Variants in RGPD4 observed in about 807,000 individuals in gnomAD.
The protein encoded by RGPD4 is RANBP2 like and GRIP domain containing 4.
Under a neutral mutation model 141.1 loss-of-function variants are expected in RGPD4, and 84 were observed. The ratio of observed to expected loss-of-function variants is 0.60; its 90% CI spans 0.50 to 0.71. The LOEUF is 0.71. RGPD4 is among the 30% of genes least tolerant of loss of function. The pLI is 0.00. For missense variants in RGPD4, 918 were observed against 1,622.4 expected (o/e 0.57, Z 7.46); for synonymous variants, 298 against 566.8 (o/e 0.53, Z 6.74).
At chr2:107,885,559 C>T (rs545531744) in intron 22 of RGPD4, among the ~76,000 whole-genome samples, 10 of 152,090 alleles carry the variant, frequency 6.6e-5, no homozygotes, top group African/African-American at 2.2e-4. Flanking sequence ...AGGAGATACA[C>T]ATTGGAAACC....
intron 21 of RGPD4, among the ~76,000 whole-genome samples, chr2:107,881,305 C>T (rs1054453418): frequency 6.7e-6 from 1 of 148,674 alleles, no homozygotes; most frequent in African/African-American, 2.5e-5. Flanking sequence ...ACCTAAATGA[C>T]TTATTTAAAT....
Position 107,870,789 on chromosome 2 carries a change from G to A in RGPD4, c.2785G>A (p.Glu929Lys), listed in dbSNP as rs759788200. 10 of 1,607,476 alleles carry A rather than the reference G, an allele frequency of 6.2e-6. No homozygotes were observed. Among genetic ancestry groups the A allele is most frequent in the Non-Finnish European group, 8.5e-6 (10 of 1,177,192 alleles). ...SADGFKFGISEPGNQEKESEK... is the reference protein window; with the variant it reads ...SADGFKFGISKPGNQEKESEK... ...TGATGGATTTAAATTTGGCATTTCG[G>A]AACCAGGAAATCAAGAAAAGGAAAG... The change falls in exon 20 of 23, where the codon GAA (glutamate) becomes AAA (lysine). Residue 929 changes from glutamate (E) to lysine (K), a missense_variant. Coordinates refer to ENST00000408999, the MANE Select transcript of RGPD4 (RefSeq NM_182588.3).
rs1418649885 is a variant in RGPD4, at chr2:107,827,802, G to C, written c.72+717G>C. 1.4e-4 allele frequency among the ~76,000 whole-genome samples: 4 copies of C among 29,558 alleles called. 1 individual carries two copies. Among genetic ancestry groups the C allele is most frequent in the African/African-American group, 6.0e-4 (2 of 3,360 alleles). 19.4% of individuals were successfully genotyped at this position (29,558 alleles called of 152,430 possible). A position where few individuals can be genotyped will look rare whatever the true frequency, so the allele number is the denominator to read the frequency against. On this transcript the variant is annotated intron_variant, in intron 1 of 22. Transcript: ENST00000408999. ...TCTGTTGAGGCGGCGGCCTCGACCC[G>C]GCCCGGCGGCGGCCTCGATGGCTCA...
chr2:107,836,910 C>T (rs1204661121), intron 2 of RGPD4, among the ~76,000 whole-genome samples: 2 of 71,138 alleles, frequency 2.8e-5, no homozygotes, highest in East Asian at 2.3e-4. Context: ...TGGCTTAAAA[C>T]GACTTTTTCT....
At chr2:107,831,577 T>TTTC (rs1558788360) in intron 1 of RGPD4, among the ~76,000 whole-genome samples, 5 of 18,646 alleles carry the variant, frequency 2.7e-4, no homozygotes, top group South Asian at 4.1e-3. Context: ...CTTTTCTTTT[T>TTTC]TTTTTTTTTT....
intron 22 of RGPD4, among the ~76,000 whole-genome samples, chr2:107,883,617 C>G (rs920234922): frequency 1.1e-5 from 1 of 93,806 alleles, no homozygotes; most frequent in Non-Finnish European, 2.1e-5. Context: ...CAGAGCGAGA[C>G]TCCATCTCAA....
intron 22 of RGPD4, among the ~76,000 whole-genome samples, chr2:107,887,246 A>G (rs550387192): frequency 1.5e-5 from 2 of 137,662 alleles, no homozygotes; most frequent in African/African-American, 2.5e-5. Flanking sequence ...ACAGAGTAAA[A>G]CCCCATCTTT....
At chr2:107,827,635 C>T (rs1476812997) in intron 1 of RGPD4, among the ~76,000 whole-genome samples, 1 of 50,984 alleles carries the variant, frequency 2.0e-5, no homozygotes, top group Admixed American at 1.6e-4. Context: ...CGTCATGGCT[C>T]CCGACGGGCG....
intron 6 of RGPD4, among the ~76,000 whole-genome samples, chr2:107,845,944 T>TC (rs1441244054): frequency 7.1e-6 from 1 of 140,864 alleles, no homozygotes; most frequent in Non-Finnish European, 1.6e-5. Context: ...TTTTTTTTTT[T>TC]GAGACGGAGT....
At chr2:107,857,901 A>G (rs1402151589) in intron 9 of RGPD4, among the ~76,000 whole-genome samples, 2 of 152,064 alleles carry the variant, frequency 1.3e-5, no homozygotes, top group South Asian at 4.1e-4. Flanking sequence ...AGGCAGGAGA[A>G]TCGCTTCAAC....
Position 107,872,662 on chromosome 2 carries a change from A to C in RGPD4, c.4658A>C (p.Glu1553Ala). The change falls in exon 20 of 23, where the codon GAA becomes GCA. Residue 1553 changes from glutamate to alanine, a missense_variant. Physicochemically the swap from Glu to Ala is moderately radical, Grantham distance 107. Transcript: ENST00000408999. ...SESVKRIFSSEKSKPFAFGNS... is the reference protein window; with the variant it reads ...SESVKRIFSSAKSKPFAFGNS... ...TCTGTTAAAAGAATTTTTAGTAGTG[A>C]AAAATCAAAACCATTTGCATTTGGC... The C allele has an allele frequency of 1.2e-6, 2 of 1,610,766 alleles. No homozygotes were observed. Among genetic ancestry groups the C allele is most frequent in the Non-Finnish European group, 1.7e-6 (2 of 1,179,770 alleles).
chr2:107,881,241 TTCCC>T (rs1290593435), intron 21 of RGPD4, among the ~76,000 whole-genome samples: 1 of 150,584 alleles, frequency 6.6e-6, no homozygotes, highest in Non-Finnish European at 1.5e-5. Flanking sequence ...AAATAACATT[TTCCC>T]ACTAATAAAA....
chr2:107,830,193 A>C (rs571355217), intron 1 of RGPD4, among the ~76,000 whole-genome samples: 2 of 151,994 alleles, frequency 1.3e-5, no homozygotes, highest in South Asian at 2.1e-4. Context: ...AAAAAATTCT[A>C]AAGTTCTTAC....
chr2:107,827,247 C>T (rs1681236176), intron 1 of RGPD4, among the ~76,000 whole-genome samples, 162 bp downstream of exon 1: 2 of 136,570 alleles, frequency 1.5e-5, no homozygotes, highest in Admixed American at 1.4e-4. Flanking sequence ...GGCCCGGCGG[C>T]GGCCTCGATG....
chr2:107,874,292 C>T (rs1409483223), intron 20 of RGPD4, among the ~76,000 whole-genome samples: 1 of 150,620 alleles, frequency 6.6e-6, no homozygotes, highest in East Asian at 2.0e-4. Context: ...GAAAATGGAC[C>T]CCGTTTTTAA....
At chr2:107,887,522 C>G (rs1458038520) in intron 22 of RGPD4, among the ~76,000 whole-genome samples, 5 of 150,304 alleles carry the variant, frequency 3.3e-5, no homozygotes, top group Non-Finnish European at 5.9e-5. Flanking sequence ...GTAGGTTACC[C>G]AACTCTGAAA....
At position 107,826,938 on chromosome 2, in the gene RGPD4, T is replaced by C. The variant is rs1681202913; in HGVS notation, c.-76T>C. 1.1e-5 allele frequency: 17 copies of C among 1,550,400 alleles called. No individual in the cohort carries two copies. Among genetic ancestry groups the C allele is most frequent in the East Asian group, 2.4e-5 (1 of 41,014 alleles). ...CGCGGAGTCAGTGGCTTTCAGGCGC[T>C]TTCCTGTTGGAATTGGCGACTGCTG... On this transcript the variant is annotated 5_prime_UTR_variant, in exon 1 of 23. Coordinates refer to ENST00000408999, the MANE Select transcript of RGPD4 (RefSeq NM_182588.3).
chr2:107,885,072 G>C (rs1193825247), intron 22 of RGPD4, among the ~76,000 whole-genome samples: 3 of 152,060 alleles, frequency 2.0e-5, no homozygotes, highest in Non-Finnish European at 4.4e-5. Context: ...GGTTTCTATA[G>C]CCACAATAGT....
intron 21 of RGPD4, among the ~76,000 whole-genome samples, chr2:107,882,050 A>C (rs1675382153): frequency 6.6e-6 from 1 of 151,946 alleles, no homozygotes; most frequent in Non-Finnish European, 1.5e-5. Flanking sequence ...TAGAAGGCAG[A>C]GGGAACATCT....
Sources: allele counts gnomAD v4.1 joint callset (sites outside exome capture counted in the v4.1 genomes callset), GRCh38; gene constraint gnomAD v4.1.1; transcripts MANE v1.5; gene names NCBI Gene and HGNC (gene_info 2026-07-23, HGNC 2026-07-21).